The following PSMA1 variants were observed in gnomAD, a reference collection of about 807,000 sequenced individuals.
PSMA1 encodes proteasome subunit alpha type-1.
A neutral mutation model predicts 38.4 loss-of-function variants in PSMA1; 3 were observed. The ratio of observed to expected loss-of-function variants is 0.08; its 90% CI spans 0.04 to 0.20. The LOEUF is 0.20. PSMA1 is among the 10% of genes least tolerant of loss of function. The pLI is 1.00. For synonymous variants in PSMA1, 101 were observed against 107.1 expected (o/e 0.94, Z 0.35); for missense variants, 227 against 325.3 (o/e 0.70, Z 2.32).
chr11:14,505,684 T>C (rs963098055), intron 9 of PSMA1, among the ~76,000 whole-genome samples: 1 of 152,064 alleles, frequency 6.6e-6, no homozygotes, highest in South Asian at 2.1e-4. Flanking sequence ...AAGTTAGGTA[T>C]GCCGAATGCA....
chr11:14,514,739 T>C (rs1217245749), intron 4 of PSMA1, among the ~76,000 whole-genome samples: 1 of 152,210 alleles, frequency 6.6e-6, no homozygotes. Flanking sequence ...AGAGCACTTA[T>C]GGAACAGAGA....
chr11:14,598,530 T>C (rs1266584951), intron 2 of PSMA1, among the ~76,000 whole-genome samples: 3 of 151,988 alleles, frequency 2.0e-5, no homozygotes, highest in African/African-American at 2.4e-5. Flanking sequence ...TGATCTTTGA[T>C]GGTTTAAAGT....
At chr11:14,588,434 G>GT (rs1852374508) in intron 2 of PSMA1, among the ~76,000 whole-genome samples, 1 of 152,128 alleles carries the variant, frequency 6.6e-6, no homozygotes, top group Non-Finnish European at 1.5e-5. Flanking sequence ...GATCCTACAA[G>GT]TAAAAAAACA....
chr11:14,601,908 T>G (rs1187580339), intron 2 of PSMA1, among the ~76,000 whole-genome samples: 1 of 152,164 alleles, frequency 6.6e-6, no homozygotes, highest in Non-Finnish European at 1.5e-5. Flanking sequence ...GGGCTTACTG[T>G]CAGAAAAAGG....
chr11:14,622,443 A>C (rs1264887969), intron 1 of PSMA1, among the ~76,000 whole-genome samples: 1 of 152,258 alleles, frequency 6.6e-6, no homozygotes, highest in Non-Finnish European at 1.5e-5. Flanking sequence ...CTGATTGTTT[A>C]GAATGAGCAA....
intron 2 of PSMA1, among the ~76,000 whole-genome samples, chr11:14,567,210 A>AT (rs1314232646): frequency 7.2e-5 from 11 of 152,204 alleles, no homozygotes; most frequent in African/African-American, 2.7e-4. Flanking sequence ...AGGGTGGCCT[A>AT]GCTATGCTGA....
chr11:14,531,021 C>G (rs1004454803), intron 2 of PSMA1, among the ~76,000 whole-genome samples: 1 of 151,920 alleles, frequency 6.6e-6, no homozygotes, highest in Admixed American at 6.6e-5. Context: ...TTCTAGTACT[C>G]TTCTAGTAGA....
At chr11:14,609,732 A>G (rs1337076260) in intron 2 of PSMA1, among the ~76,000 whole-genome samples, 1 of 152,164 alleles carries the variant, frequency 6.6e-6, no homozygotes, top group Non-Finnish European at 1.5e-5. Context: ...GAGTGCAGTG[A>G]GCAAGGTGAA....
At chr11:14,585,753 T>C (rs1016212969) in intron 2 of PSMA1, among the ~76,000 whole-genome samples, 1 of 152,204 alleles carries the variant, frequency 6.6e-6, no homozygotes, top group African/African-American at 2.4e-5. Flanking sequence ...CCATGGCATA[T>C]TGCAGTGCAG....
intron 2 of PSMA1, among the ~76,000 whole-genome samples, chr11:14,544,155 G>A (rs1342713554): frequency 6.6e-6 from 1 of 152,128 alleles, no homozygotes; most frequent in Non-Finnish European, 1.5e-5. Flanking sequence ...TCAGTCTCCT[G>A]AGTAGCTGGG....
intron 2 of PSMA1, among the ~76,000 whole-genome samples, chr11:14,563,044 C>T (rs556999685): frequency 6.6e-6 from 1 of 152,030 alleles, no homozygotes; most frequent in East Asian, 1.9e-4. Flanking sequence ...GTCTGATTAC[C>T]TTTATTGTGT....
chr11:14,625,986 A>G (rs576606888), intron 1 of PSMA1, among the ~76,000 whole-genome samples: 1 of 152,312 alleles, frequency 6.6e-6, no homozygotes, highest in East Asian at 1.9e-4. Context: ...ATCTACAGAA[A>G]TGTAGTATAC....
At chr11:14,580,321 T>C (rs1852269550) in intron 2 of PSMA1, among the ~76,000 whole-genome samples, 4 of 152,222 alleles carry the variant, frequency 2.6e-5, no homozygotes, top group Non-Finnish European at 5.9e-5. Flanking sequence ...TATCCTTTAT[T>C]GCCTTCCTAG....
chr11:14,589,395 GTGTGTATATATATA>G lies in PSMA1; in HGVS notation c.21+21557_21+21570del, dbSNP rs201008485. 6.0e-3 allele frequency among the ~76,000 whole-genome samples: 896 copies of G among 150,418 alleles called. 6 individuals carry two copies. Among genetic ancestry groups the G allele is most frequent in the African/African-American group, 0.021 (855 of 40,684 alleles). On this transcript the variant is annotated intron_variant, in intron 2 of 10. Coordinates refer to the PSMA1 transcript ENST00000418988. ...TGTGTGTGTGTGTGTATATATATGT[GTGTGTATATATATA>G]TGTGTATATATATGTGTGTATATAT...
At chr11:14,525,730 C>T (rs1344527822) in intron 2 of PSMA1, among the ~76,000 whole-genome samples, 4 of 152,134 alleles carry the variant, frequency 2.6e-5, no homozygotes, top group Non-Finnish European at 5.9e-5. Context: ...TTCACTATTC[C>T]CCTGGACCCC....
chr11:14,601,763 A>G (rs920700464), intron 2 of PSMA1, among the ~76,000 whole-genome samples: 6 of 152,170 alleles, frequency 3.9e-5, no homozygotes, highest in Non-Finnish European at 8.8e-5. Context: ...GAGGCCATAT[A>G]TCTAGTAAGT....
chr11:14,576,253 T>A (rs1443593318), intron 2 of PSMA1, among the ~76,000 whole-genome samples: 1 of 152,226 alleles, frequency 6.6e-6, no homozygotes, highest in African/African-American at 2.4e-5. Context: ...GATGGTAGTT[T>A]CTTTTGCTGT....
At chr11:14,605,822 G>C (rs966552068) in intron 2 of PSMA1, among the ~76,000 whole-genome samples, 1 of 152,144 alleles carries the variant, frequency 6.6e-6, no homozygotes, top group East Asian at 1.9e-4. Context: ...TTCTCCCAAC[G>C]TGTAGGTTGT....
At chr11:14,641,165 C>A in intron 1 of PSMA1, among the ~76,000 whole-genome samples, 1 of 148,364 alleles carries the variant, frequency 6.7e-6, no homozygotes, top group African/African-American at 2.5e-5. Context: ...TATCCCAGAA[C>A]TTAAAGTATA....
Sources: allele counts gnomAD v4.1 joint callset (sites outside exome capture counted in the v4.1 genomes callset), GRCh38; gene constraint gnomAD v4.1.1; transcripts MANE v1.5; gene names NCBI Gene and HGNC (gene_info 2026-07-23, HGNC 2026-07-21).